The following KCNN2 variants were observed in gnomAD, a reference collection of about 807,000 sequenced individuals.
The protein encoded by KCNN2 is small conductance calcium-activated potassium channel protein 2.
A neutral mutation model predicts 55.5 loss-of-function variants in KCNN2; 24 were observed. The observed-to-expected ratio is 0.43, with a 90% CI of 0.31 to 0.61. KCNN2 has a LOEUF of 0.61. KCNN2 is among the 20% of genes least tolerant of loss of function. The pLI is 0.08. For synonymous variants in KCNN2, 431 were observed against 336.1 expected (o/e 1.28, Z -3.09); for missense variants, 754 against 853.6 (o/e 0.88, Z 1.45).
At chr5:114,058,001 C>G (rs927337493) in intron 1 of KCNN2, among the ~76,000 whole-genome samples, 10 of 152,116 alleles carry the variant, frequency 6.6e-5, no homozygotes, top group Non-Finnish European at 1.5e-4. Flanking sequence ...ATGTTATATC[C>G]TAATTTCAAC....
At chr5:114,135,251 T>C (rs762085282) in intron 1 of KCNN2, among the ~76,000 whole-genome samples, 3 of 152,032 alleles carry the variant, frequency 2.0e-5, no homozygotes, top group Non-Finnish European at 2.9e-5. Context: ...AACAAGAGAA[T>C]TGGACGCAAG....
chr5:114,374,271 G>A (rs1757869768), intron 2 of KCNN2, among the ~76,000 whole-genome samples: 1 of 152,130 alleles, frequency 6.6e-6, no homozygotes, highest in Admixed American at 6.6e-5. Context: ...CTAAAAGTAA[G>A]CAAGGGGAAT....
At chr5:114,453,271 A>C (rs1234238204) in intron 3 of KCNN2, among the ~76,000 whole-genome samples, 2 of 152,134 alleles carry the variant, frequency 1.3e-5, no homozygotes, top group East Asian at 1.9e-4. Flanking sequence ...CTCAGTTCCT[A>C]CTGCCAGATT....
At chr5:114,331,582 G>A (rs1756822375) in intron 2 of KCNN2, among the ~76,000 whole-genome samples, 1 of 152,166 alleles carries the variant, frequency 6.6e-6, no homozygotes, top group African/African-American at 2.4e-5. Flanking sequence ...CAAATTCATA[G>A]CATAAATAAT....
rs1185872337 is a variant in KCNN2 at position 114,463,159 on chromosome 5, G to C, written c.1748G>C (p.Gly583Ala). The C allele has an allele frequency of 6.2e-7, 1 of 1,612,658 alleles. No individual in the cohort carries two copies. The highest frequency in any genetic ancestry group is 8.5e-7 in the Non-Finnish European group (1 of 1,179,356). The change falls in exon 4 of 8, where the codon GGA becomes GCA. Residue 583 changes from glycine to alanine, a missense_variant. Physicochemically the swap from Gly to Ala is moderately conservative, Grantham distance 60. Transcript: ENST00000673685. ...GACATGGTACCTAACACATACTGTG[G>C]AAAAGGAGTCTGCTTACTTACTGGA... Reference protein sequence around the residue: ...YGDMVPNTYCGKGVCLLTGIM... With the variant: ...YGDMVPNTYCAKGVCLLTGIM...
intron 1 of KCNN2, among the ~76,000 whole-genome samples, chr5:114,207,572 A>T (rs1434817500): frequency 6.6e-6 from 1 of 152,114 alleles, no homozygotes; most frequent in African/African-American, 2.4e-5. Context: ...TATAGATCTT[A>T]TTTGGGCAAA....
At chr5:114,113,583 G>T (rs934785578) in intron 1 of KCNN2, among the ~76,000 whole-genome samples, 1 of 152,060 alleles carries the variant, frequency 6.6e-6, no homozygotes, top group Non-Finnish European at 1.5e-5. Flanking sequence ...AAGAAGTAAA[G>T]CTTCAAAGAA....
chr5:114,334,470 GATATATATACACAC>G (rs1350871022), intron 2 of KCNN2, among the ~76,000 whole-genome samples: 3 of 151,788 alleles, frequency 2.0e-5, no homozygotes, highest in African/African-American at 4.8e-5. Flanking sequence ...TGTATATATA[GATATATATACACAC>G]ATATATATAC....
At chr5:114,087,600 C>G (rs547527387) in intron 1 of KCNN2, among the ~76,000 whole-genome samples, 24 of 152,052 alleles carry the variant, frequency 1.6e-4, no homozygotes, top group African/African-American at 5.8e-4. Flanking sequence ...TGTCATAGTT[C>G]ATTCTTATTT....
chr5:114,148,680 C>T (rs556322819), intron 1 of KCNN2, among the ~76,000 whole-genome samples: 37 of 152,064 alleles, frequency 2.4e-4, no homozygotes, highest in Non-Finnish European at 3.8e-4. Context: ...TGCCACATGT[C>T]CTCCTCTGGC....
intron 2 of KCNN2, among the ~76,000 whole-genome samples, chr5:114,252,786 T>TGAGA (rs780509805): frequency 1.0e-4 from 15 of 147,030 alleles, no homozygotes; most frequent in Admixed American, 9.5e-4. Context: ...TGTGTGTGTG[T>TGAGA]GTGAGAGAGA....
intron 1 of KCNN2, among the ~76,000 whole-genome samples, chr5:114,216,424 A>G (rs924577979): frequency 1.3e-5 from 2 of 152,182 alleles, no homozygotes; most frequent in African/African-American, 2.4e-5. Flanking sequence ...CCCTGAAACC[A>G]TTATGTATAC....
chr5:114,075,617 C>T (rs2931493), intron 1 of KCNN2, among the ~76,000 whole-genome samples: 20,113 of 152,216 alleles, frequency 0.13, 1,414 homozygotes, highest in Middle Eastern at 0.17. Flanking sequence ...TCCTTCCCAC[C>T]CTTCCATTTG....
At chr5:114,491,029 G>T (rs914578795) in intron 6 of KCNN2, among the ~76,000 whole-genome samples, 1 of 152,106 alleles carries the variant, frequency 6.6e-6, no homozygotes, top group African/African-American at 2.4e-5. Flanking sequence ...TTCAAGTTCC[G>T]ATAGCTAAAG....
intron 4 of KCNN2, among the ~76,000 whole-genome samples, chr5:114,469,649 A>G (rs1169771482): frequency 6.6e-6 from 1 of 152,142 alleles, no homozygotes; most frequent in African/African-American, 2.4e-5. Flanking sequence ...ACTTATTTCC[A>G]TTCTTATTCA....
At chr5:114,378,890 G>A (rs745311109) in intron 2 of KCNN2, among the ~76,000 whole-genome samples, 5 of 152,130 alleles carry the variant, frequency 3.3e-5, no homozygotes, top group Non-Finnish European at 5.9e-5. Flanking sequence ...CCCTAAGAAA[G>A]CCACAAATTA....
At chr5:114,247,202 C>CAAAAAAAAA (rs370172975) in intron 2 of KCNN2, among the ~76,000 whole-genome samples, 34 of 68,080 alleles carry the variant, frequency 5.0e-4, no homozygotes, top group Middle Eastern at 0.014. Context: ...CATATGTCTC[C>CAAAAAAAAA]AAAAAAAAAA....
At chr5:114,351,670 G>A (rs1282802116) in intron 2 of KCNN2, among the ~76,000 whole-genome samples, 1 of 151,734 alleles carries the variant, frequency 6.6e-6, no homozygotes, top group East Asian at 1.9e-4. Context: ...TATCATGAAA[G>A]AGTTTTGGAT....
At chr5:114,063,923 A>T (rs1030572064) in intron 1 of KCNN2, among the ~76,000 whole-genome samples, 1 of 152,262 alleles carries the variant, frequency 6.6e-6, no homozygotes, top group Non-Finnish European at 1.5e-5. Flanking sequence ...ATACTGTGAA[A>T]TGACAGGTAA....
Sources: gnomAD v4.1 joint callset for allele counts (sites outside exome capture counted in the v4.1 genomes callset) on GRCh38, gnomAD v4.1.1 for gene constraint, MANE v1.5 for transcripts, NCBI Gene and HGNC (gene_info 2026-07-23, HGNC 2026-07-21) for gene names.